Variants in HMCN1 observed in about 807,000 individuals in gnomAD.
The protein encoded by HMCN1 is hemicentin 1.
In HMCN1, 321 loss-of-function variants were observed where a neutral mutation model predicts 625.9. The ratio of observed to expected loss-of-function variants is 0.51; its 90% CI spans 0.47 to 0.56. HMCN1 has a LOEUF of 0.56. Ranked by LOEUF, HMCN1 falls within the 20% of genes least tolerant of loss-of-function variation. The pLI is 0.00. For missense variants in HMCN1, 6,588 were observed against 6,887.3 expected (o/e 0.96, Z 1.54); for synonymous variants, 2,425 against 2,417.6 (o/e 1.00, Z -0.09).
intron 100 of HMCN1, among the ~76,000 whole-genome samples, chr1:186,169,961 G>A (rs1652116929): frequency 6.7e-6 from 1 of 149,476 alleles, no homozygotes. Context: ...AATCTACAAG[G>A]AACTTAAATT....
At chr1:185,810,597 G>A (rs1659450724) in intron 1 of HMCN1, among the ~76,000 whole-genome samples, 1 of 151,912 alleles carries the variant, frequency 6.6e-6, no homozygotes, top group South Asian at 2.1e-4. Flanking sequence ...CCCACAATCA[G>A]TTTATGTACA....
At position 186,183,130 on chromosome 1, in the gene HMCN1, AT is replaced by A. The variant is rs368777290; in HGVS notation, c.16414+845del. ...GGGTCTTAATAAGCTTTTGAACTGTATTAATTTGTGTCATGGAAAATTATAT... is the reference window on the plus strand; with the variant it reads ...GGGTCTTAATAAGCTTTTGAACTGTATAATTTGTGTCATGGAAAATTATAT... On this transcript the variant is annotated intron_variant, in intron 105 of 106. Transcript: ENST00000271588. Among the ~76,000 whole-genome samples, 355 of 152,360 alleles carry A rather than the reference AT, an allele frequency of 2.3e-3. 2 individuals are homozygous for A. Among genetic ancestry groups the A allele is most frequent in the African/African-American group, 8.2e-3 (339 of 41,592 alleles).
At position 186,078,114 on chromosome 1, in the gene HMCN1, A is replaced by T; in HGVS notation, c.8493A>T (p.Arg2831=). 1 of 1,611,692 alleles carries T rather than the reference A, an allele frequency of 6.2e-7. No homozygotes were observed. Among genetic ancestry groups the T allele is most frequent in the Non-Finnish European group, 8.5e-7 (1 of 1,178,096 alleles). Residue 2831 remains arginine, a synonymous_variant, in exon 55 of 107, where the codon CGA becomes CGT. Coordinates refer to ENST00000271588, the MANE Select transcript of HMCN1 (RefSeq NM_031935.3). ...SDKVLILPGG[R]VLQIPRAKVE... is the part of the protein sequence containing the mutation. ...GTGGGATATTATTTTCAGGAGGGCG[A>T]GTGTTGCAGATTCCTCGGGCTAAAG... is the stretch of plus-strand genomic sequence containing the variant.
intron 48 of HMCN1, among the ~76,000 whole-genome samples, chr1:186,063,660 TA>T (rs1163453662): frequency 6.6e-6 from 1 of 152,190 alleles, no homozygotes; most frequent in Non-Finnish European, 1.5e-5. Flanking sequence ...CTTTTTTTCT[TA>T]AATTTCATTT....
At position 186,019,602 on chromosome 1, in the gene HMCN1, C is replaced by CACA; in HGVS notation, c.5532_5533insACA (p.Val1844_Ala1845insThr). On this transcript the variant is annotated inframe_insertion, in exon 35 of 107. Coordinates refer to ENST00000271588, the MANE Select transcript of HMCN1 (RefSeq NM_031935.3). The stretch of plus-strand genomic sequence containing the variant: ...GAGTTGTGGTAAAATACAAGCCTGT[C>CACA]GCCTTGCAGTGCATAGCCAATGGGA... 6.2e-7 allele frequency: 1 copy of CACA among 1,609,244 alleles called. No individual in the cohort carries two copies. Among genetic ancestry groups the CACA allele is most frequent in the Non-Finnish European group, 8.5e-7 (1 of 1,175,896 alleles).
chr1:186,057,166 C>T (rs1404561788), intron 45 of HMCN1, 68 bp from the exon 46 acceptor site: 2 of 1,202,746 alleles, frequency 1.7e-6, no homozygotes, highest in Non-Finnish European at 1.2e-6. Flanking sequence ...TATACAACAT[C>T]AGGTATATCA....
In HMCN1 at chr1:186,016,193, C is replaced by A. The variant is rs1220352768; in HGVS notation, c.5145C>A (p.Thr1715=). ...IDRGQYICVA[T]SVAGEKEIKY... is the part of the protein sequence containing the mutation. The stretch of plus-strand genomic sequence containing the variant: ...GAGGACAGTACATATGCGTGGCTAC[C>A]AGTGTGGCAGGAGAAAAGGAAATCA... Residue 1715 remains threonine (T), a synonymous_variant, in exon 32 of 107, where the codon ACC becomes ACA. Coordinates refer to ENST00000271588, the MANE Select transcript of HMCN1 (RefSeq NM_031935.3). 2 of 1,613,232 alleles carry A rather than the reference C, an allele frequency of 1.2e-6. No homozygotes were observed. The highest frequency in any genetic ancestry group is 4.5e-5 in the East Asian group (2 of 44,814).
At chr1:186,164,691 A>G (rs1651765192) in intron 97 of HMCN1, among the ~76,000 whole-genome samples, 1 of 152,226 alleles carries the variant, frequency 6.6e-6, no homozygotes, top group South Asian at 2.1e-4. Flanking sequence ...GCTTCTTCAC[A>G]GAGTTTCTAT....
chr1:186,042,809 C>A (rs1481408003), intron 40 of HMCN1, among the ~76,000 whole-genome samples: 1 of 151,898 alleles, frequency 6.6e-6, no homozygotes, highest in African/African-American at 2.4e-5. Flanking sequence ...GTAGTAGTAA[C>A]CTTGGTGATG....
At chr1:186,095,634 T>TAG in intron 68 of HMCN1, 113 bp downstream of exon 68, 1 of 1,140,674 alleles carries the variant, frequency 8.8e-7, no homozygotes, top group Non-Finnish European at 1.2e-6. Context: ...TTTTAAAAAA[T>TAG]TTTTATTGCA....
Position 186,095,360 on chromosome 1 carries a change from G to C in HMCN1, c.10412G>C (p.Arg3471Thr). Reference sequence around the variant, plus strand: ...CCAGCTCCCAGTATGGCCTGGCTTAGAGATGGCCAGCCTCTGGGGCTTGAT... The same window carrying C: ...CCAGCTCCCAGTATGGCCTGGCTTACAGATGGCCAGCCTCTGGGGCTTGAT... ...GTPAPSMAWL[R>T]DGQPLGLDAH... is the part of the protein sequence containing the mutation. The change falls in exon 68 of 107, where the codon AGA becomes ACA. Residue 3471 changes from arginine to threonine, a missense_variant. Around this residue, in one of 3 missense-constraint regions of HMCN1, gnomAD observed 4,628 missense variants for 4,853.1 expected, o/e 0.95. Coordinates refer to ENST00000271588, the MANE Select transcript of HMCN1 (RefSeq NM_031935.3). The C allele has an allele frequency of 6.2e-7, 1 of 1,613,688 alleles. No homozygotes were observed. The highest frequency in any genetic ancestry group is 8.5e-7 in the Non-Finnish European group (1 of 1,179,840).
intron 30 of HMCN1, among the ~76,000 whole-genome samples, chr1:186,009,710 TG>T (rs2102106429): frequency 1.3e-5 from 2 of 151,714 alleles, no homozygotes; most frequent in African/African-American, 4.8e-5. Context: ...ATAAAAGAGA[TG>T]GAGGATAAAA....
rs1432661368 is a variant in HMCN1 at position 186,172,107 on chromosome 1, A to G, written c.15790A>G (p.Lys5264Glu). 6.2e-7 allele frequency: 1 copy of G among 1,613,890 alleles called. No homozygotes were observed. The highest frequency in any genetic ancestry group is 1.1e-5 in the South Asian group (1 of 91,078). The part of the protein sequence containing the change: ...CIDLCPNGMT[K>E]AENGTCIDID... ...TGATCTTTGTCCAAATGGAATGACC[A>G]AGGCAGAAAATGGAACCTGTATTGG... Residue 5264 changes from lysine (K) to glutamate (E), a missense_variant, in exon 102 of 107, where the codon AAG becomes GAG. Lys to Glu is a moderately conservative substitution (Grantham distance 56). Coordinates refer to ENST00000271588, the MANE Select transcript of HMCN1 (RefSeq NM_031935.3).
chr1:185,865,713 C>T, intron 3 of HMCN1, 28 bp from the exon 4 acceptor site: 1 of 1,541,092 alleles, frequency 6.5e-7, no homozygotes, highest in Non-Finnish European at 8.9e-7. Flanking sequence ...ACCCTTTACA[C>T]TGTTTCTTTT....
chr1:186,180,438 T>C (rs1228384176), intron 104 of HMCN1, among the ~76,000 whole-genome samples: 1 of 152,176 alleles, frequency 6.6e-6, no homozygotes, highest in Non-Finnish European at 1.5e-5. Context: ...ATCTGTGTTA[T>C]GAAAAATAAA....
rs554960119 is a variant in HMCN1 at position 186,190,488 on chromosome 1, G to A, written c.*610G>A. 5.0e-6 allele frequency: 1 copy of A among 200,726 alleles called. No homozygotes were observed. Among genetic ancestry groups the A allele is most frequent in the South Asian group, 1.9e-4 (1 of 5,204 alleles). The allele number at this position is 200,726 out of a possible 1,614,324, so 12.4% of individuals were successfully genotyped here. A position where few individuals can be genotyped will look rare whatever the true frequency, so the allele number is the denominator to read the frequency against. On this transcript the variant is annotated 3_prime_UTR_variant, in exon 107 of 107. Transcript: ENST00000271588. ...ATCTTGATTGAACATTCAGAACAAG[G>A]ATATTATTTTCAGTGATTTTGTGAG...
At chr1:185,947,568 G>A (rs899151041) in intron 11 of HMCN1, among the ~76,000 whole-genome samples, 4 of 152,182 alleles carry the variant, frequency 2.6e-5, no homozygotes, top group African/African-American at 4.8e-5. Context: ...GGTGGTTCTC[G>A]TATTCCCATT....
intron 30 of HMCN1, 52 bp from the exon 31 acceptor site, chr1:186,015,107 A>G: frequency 6.7e-7 from 1 of 1,490,196 alleles, no homozygotes; most frequent in Non-Finnish European, 9.4e-7. Flanking sequence ...TAAGATTTTG[A>G]TGAAGATGCT....
rs760288096 is a variant in HMCN1, at chr1:186,182,318, A to G, written c.16414+31A>G. 3 of 1,612,340 alleles carry G rather than the reference A, an allele frequency of 1.9e-6. No homozygotes were observed. The Admixed American group carries it at 5.0e-5, about 27-fold the overall frequency. ...AAAACATTGGGATGTTTATTGTTGCAAACTTGACTAAAAACCAACAGAGAG... is the reference window on the plus strand; with the variant it reads ...AAAACATTGGGATGTTTATTGTTGCGAACTTGACTAAAAACCAACAGAGAG... On this transcript the variant is annotated intron_variant, in intron 105 of 106. Coordinates refer to ENST00000271588, the MANE Select transcript of HMCN1 (RefSeq NM_031935.3).
Sources: gnomAD v4.1 joint callset for allele counts (sites outside exome capture counted in the v4.1 genomes callset) on GRCh38, gnomAD v4.1.1 for gene constraint, gnomAD v4.1.1 regional missense constraint, MANE v1.5 for transcripts, NCBI Gene and HGNC (gene_info 2026-07-23, HGNC 2026-07-21) for gene names.